Variants in ATP2B2 observed in about 807,000 individuals in gnomAD.
The protein encoded by ATP2B2 is plasma membrane calcium-transporting ATPase 2.
A neutral mutation model predicts 120.0 loss-of-function variants in ATP2B2; 15 were observed. The ratio of observed to expected loss-of-function variants is 0.12; its 90% confidence interval spans 0.08 to 0.19. The LOEUF is 0.19. ATP2B2 is among the 10% of genes least tolerant of loss of function. The pLI is 1.00. For synonymous variants in ATP2B2, 694 were observed against 700.3 expected, an observed-to-expected ratio of 0.99 and a Z score of 0.14; for missense variants, 1,045 against 1,719.8, an observed-to-expected ratio of 0.61 and a Z score of 6.94.
At chr3:10,669,260 G>A (rs1559512969) in intron 1 of ATP2B2, among the ~76,000 whole-genome samples, 1 of 152,196 alleles carries the variant, frequency 6.6e-6, no homozygotes, top group Non-Finnish European at 1.5e-5. Flanking sequence ...TGGGGTTACA[G>A]CAAGGAAAGG....
intron 1 of ATP2B2, among the ~76,000 whole-genome samples, chr3:10,672,422 G>A (rs1048083978): frequency 6.6e-6 from 1 of 152,194 alleles, no homozygotes; most frequent in Non-Finnish European, 1.5e-5. Context: ...AGCTAAGTTT[G>A]GTTAACAGCT....
chr3:10,482,927 C>T lies in ATP2B2; in HGVS notation c.-320+22538G>A, dbSNP rs939276079. ...GGGATTTGCACTCGGGGAAGCAATG[C>T]TTCCTCCCACTGGACCCTGACAACC... On this transcript the variant is annotated intron_variant, in intron 1 of 22. Coordinates refer to ENST00000360273, the MANE Select transcript of ATP2B2 (RefSeq NM_001001331.4). Among the ~76,000 whole-genome samples the T allele has an allele frequency of 6.6e-5, 10 of 152,358 alleles. No homozygotes were observed. In the East Asian group the frequency reaches 9.6e-4, roughly 15 times the overall value.
intron 1 of ATP2B2, among the ~76,000 whole-genome samples, chr3:10,486,238 T>G (rs1046467106): frequency 6.6e-6 from 1 of 152,178 alleles, no homozygotes; most frequent in Admixed American, 6.5e-5. Flanking sequence ...AGAATGGGGA[T>G]TTCACCATCA....
intron 3 of ATP2B2, among the ~76,000 whole-genome samples, chr3:10,517,288 G>A (rs1035285805): frequency 5.3e-5 from 8 of 152,166 alleles, no homozygotes; most frequent in African/African-American, 7.2e-5. Flanking sequence ...GATGCATCTC[G>A]CCTCGGCCAC....
Position 10,511,132 on chromosome 3 carries a change from G to A in ATP2B2, c.-320+22907C>T, listed in dbSNP as rs148289523. ...CACTCTTGCATTTCCGTGCCTCTGC[G>A]TCTTTGCATGTGCCACCCCCTCTGC... On this transcript the variant is annotated intron_variant, in intron 3 of 21. Coordinates refer to the ATP2B2 transcript ENST00000646379. Among the ~76,000 whole-genome samples the A allele has an allele frequency of 5.3e-5, 8 of 152,162 alleles. No homozygotes were observed. The East Asian group carries it at 1.4e-3, about 26-fold the overall frequency.
intron 6 of ATP2B2, among the ~76,000 whole-genome samples, chr3:10,386,853 G>A (rs909273913): frequency 6.6e-6 from 1 of 152,214 alleles, no homozygotes; most frequent in African/African-American, 2.4e-5. Context: ...GAGTGCAGGT[G>A]CATGCTCAGC....
At chr3:10,665,425 C>T (rs35416409) in intron 1 of ATP2B2, among the ~76,000 whole-genome samples, 1 of 151,954 alleles carries the variant, frequency 6.6e-6, no homozygotes, top group Non-Finnish European at 1.5e-5. Flanking sequence ...TAACCTCCCA[C>T]AGCTCTGTGC....
At position 10,624,500 on chromosome 3, in the gene ATP2B2, C is replaced by T. The variant is rs573054495; in HGVS notation, c.-459-4539G>A. Among the ~76,000 whole-genome samples, 14 of 152,268 alleles carry T rather than the reference C, an allele frequency of 9.2e-5. No homozygotes were observed. In the South Asian group the frequency reaches 1.2e-3, roughly 14 times the overall value. ...ATTGTGCCTGGACACTGGTGTGTCC[C>T]AGGGGTTGACAATCTCAGCGCCTGA... On this transcript the variant is annotated intron_variant, in intron 1 of 21. Coordinates refer to the ATP2B2 transcript ENST00000646379.
At chr3:10,596,181 AC>A (rs1450616661) in intron 2 of ATP2B2, among the ~76,000 whole-genome samples, 2 of 152,098 alleles carry the variant, frequency 1.3e-5, no homozygotes, top group Admixed American at 1.3e-4. Flanking sequence ...CACCTTAAAG[AC>A]CCATTTAAAG....
intron 1 of ATP2B2, among the ~76,000 whole-genome samples, chr3:10,468,407 G>T (rs1048500405): frequency 4.6e-5 from 7 of 152,234 alleles, no homozygotes; most frequent in African/African-American, 1.7e-4. Context: ...CAGCCTGGCC[G>T]CATCACCTGC....
chr3:10,569,974 C>G (rs1405447202), intron 2 of ATP2B2: 2 of 152,172 alleles, frequency 1.3e-5, no homozygotes, highest in African/African-American at 2.4e-5. Context: ...GGTAGCCTAG[C>G]CTGGGGCCAT....
intron 1 of ATP2B2, among the ~76,000 whole-genome samples, chr3:10,662,858 A>G (rs1435399840): frequency 1.3e-5 from 2 of 152,076 alleles, no homozygotes; most frequent in African/African-American, 2.4e-5. Flanking sequence ...TCCATCAATG[A>G]TAGACTGGAT....
intron 2 of ATP2B2, among the ~76,000 whole-genome samples, chr3:10,425,545 G>A (rs973114496): frequency 6.6e-6 from 1 of 152,022 alleles, no homozygotes; most frequent in African/African-American, 2.4e-5. Flanking sequence ...CCTAACCCAC[G>A]GCCTGGCTGT....
intron 1 of ATP2B2, among the ~76,000 whole-genome samples, chr3:10,686,931 A>G (rs1478700983): frequency 6.6e-6 from 1 of 152,214 alleles, no homozygotes; most frequent in African/African-American, 2.4e-5. Context: ...CCATTTTACA[A>G]ATGAAGAGAC....
Position 10,328,967 on chromosome 3 carries a change from A to G in ATP2B2, c.3579T>C (p.Asp1193=). Residue 1193 remains aspartate, a synonymous_variant, in exon 23 of 23, where the codon GAT becomes GAC. Transcript: ENST00000360273. ...GGCTCGAGTTCTGCTTGAGCGCGGC[A>G]TCTTCTTCCAGGTCGGTGTCATCAA... ...PLIDDTDLEE[D]AALKQNSSPP... 6.2e-7 allele frequency: 1 copy of G among 1,613,864 alleles called. No homozygotes were observed. The highest frequency in any genetic ancestry group is 8.5e-7 in the Non-Finnish European group (1 of 1,179,986).
At chr3:10,403,386 G>A (rs1466969313) in intron 3 of ATP2B2, among the ~76,000 whole-genome samples, 1 of 152,222 alleles carries the variant, frequency 6.6e-6, no homozygotes, top group Non-Finnish European at 1.5e-5. Context: ...AACTCTCGAG[G>A]TCTGCCAGGC....
rs192728733 is a variant in ATP2B2 at position 10,561,210 on chromosome 3, G to A, written c.-414-27077C>T. On this transcript the variant is annotated intron_variant, in intron 2 of 21. Coordinates refer to the ATP2B2 transcript ENST00000646379. ...AGTAGAGAACATTTTTACTGTATAC[G>A]ATTACACCCTCAGAACCTAACACTG... Among the ~76,000 whole-genome samples, 22 of 152,194 alleles carry A rather than the reference G, an allele frequency of 1.4e-4. No individual in the cohort carries two copies. The East Asian group carries it at 3.3e-3, about 23-fold the overall frequency.
chr3:10,520,226 A>G (rs2066956448), intron 3 of ATP2B2, among the ~76,000 whole-genome samples: 1 of 152,228 alleles, frequency 6.6e-6, no homozygotes, highest in Non-Finnish European at 1.5e-5. Context: ...TTTCCTTACA[A>G]TGATTTAGGG....
At chr3:10,697,365 G>A (rs1209003237) in intron 1 of ATP2B2, among the ~76,000 whole-genome samples, 1 of 152,098 alleles carries the variant, frequency 6.6e-6, no homozygotes, top group African/African-American at 2.4e-5. Context: ...TGTGACTTTG[G>A]GCAAGCAACC....
Sources: gnomAD v4.1 joint callset for allele counts (sites outside exome capture counted in the v4.1 genomes callset) on GRCh38, gnomAD v4.1.1 for gene constraint, MANE v1.5 for transcripts, NCBI Gene and HGNC (gene_info 2026-07-23, HGNC 2026-07-21) for gene names.